PARP10: variants seen among roughly 807,000 people sequenced by gnomAD.
The protein encoded by PARP10 is protein mono-ADP-ribosyltransferase PARP10.
In PARP10, 56 loss-of-function variants were observed where a neutral mutation model predicts 82.4. The observed-to-expected ratio is 0.68, with a 90% CI of 0.55 to 0.85. The LOEUF (loss-of-function observed/expected upper bound fraction) is 0.85, where lower values mean the gene tolerates loss of function less well. Among genes scored for constraint, PARP10 ranks in the 40% least tolerant of loss-of-function variants. The probability of loss-of-function intolerance (pLI) is 0.00; values close to 1 mark genes in which losing one functional copy is unlikely to be tolerated. For missense variants in PARP10, 1,227 were observed against 1,379.4 expected (o/e 0.89, Z 1.75); for synonymous variants, 576 against 601.1 (o/e 0.96, Z 0.61).
rs1351134375 is a variant in PARP10 at position 143,985,055 on chromosome 8, C to T, written c.947G>A (p.Gly316Asp). ...AGAGCCTGTTGTCATAATCCCTCTA[C>T]CCTGCACCATGGGACCTGTCCTCAG... ...ASLRTGPMVQGRGIMTTGSGQ... is the reference protein window; with the variant it reads ...ASLRTGPMVQDRGIMTTGSGQ... The change falls in exon 5 of 11, where the codon GGT becomes GAT. Residue 316 changes from glycine to aspartate, a missense_variant. By Grantham distance (94) the Gly-to-Asp change is moderately conservative. Coordinates refer to ENST00000313028, the MANE Select transcript of PARP10 (RefSeq NM_032789.5). The T allele has an allele frequency of 6.2e-7, 1 of 1,613,646 alleles. No homozygotes were observed. Among genetic ancestry groups the T allele is most frequent in the African/African-American group, 1.3e-5 (1 of 74,838 alleles).
At chr8:144,009,406 T>C (rs1446998308) in intron 1 of PARP10, among the ~76,000 whole-genome samples, 1 of 152,178 alleles carries the variant, frequency 6.6e-6, no homozygotes, top group Non-Finnish European at 1.5e-5. Context: ...CTCAGCCTTC[T>C]CCGGTTTTCC....
chr8:143,995,376 C>A (rs1834157334), upstream of PARP10, among the ~76,000 whole-genome samples: 1 of 152,152 alleles, frequency 6.6e-6, no homozygotes, highest in South Asian at 2.1e-4. Context: ...CGGGAGGTGC[C>A]AATTAAGCCA....
intron 9 of PARP10, among the ~76,000 whole-genome samples, chr8:143,978,983 T>C (rs1833785639): frequency 6.6e-6 from 1 of 151,650 alleles, no homozygotes; most frequent in African/African-American, 2.4e-5. Context: ...TTTTTTTTTT[T>C]TTTCTTTGAG....
Position 143,984,282 on chromosome 8 carries a change from C to T in PARP10, c.1608G>A (p.Leu536=), listed in dbSNP as rs1310421154. 2 of 1,613,986 alleles carry T rather than the reference C, an allele frequency of 1.2e-6. No homozygotes were observed. The highest frequency in any genetic ancestry group is 1.3e-5 in the African/African-American group (1 of 74,924). The change falls in exon 6 of 11, where the codon CTG becomes CTA. Residue 536 remains leucine (L), a synonymous_variant. Coordinates refer to ENST00000313028, the MANE Select transcript of PARP10 (RefSeq NM_032789.5). Reference sequence around the variant, plus strand: ...CAAAGACACACTGGAACTGAGCCTCCAGCCCCTGGAGAAGGTGCTGCCCTT... The same window carrying T: ...CAAAGACACACTGGAACTGAGCCTCTAGCCCCTGGAGAAGGTGCTGCCCTT... ...GPEGQHLLQG[L]EAQFQCVFGT... is the part of the protein sequence containing the mutation.
chr8:143,992,113 C>G (rs201648034), upstream of PARP10: 24 of 1,604,692 alleles, frequency 1.5e-5, no homozygotes, highest in Non-Finnish European at 2.0e-5. Context: ...TGCCTGGGTC[C>G]GGCCATGCAG....
At chr8:144,012,679 G>A (rs782698641) in exon 1 of PARP10, 1 of 1,551,712 alleles carries the variant, frequency 6.4e-7, no homozygotes, top group Non-Finnish European at 8.7e-7. Context: ...GGGTTCACGA[G>A]TGGGCTTGGT....
rs782120156 is a variant in PARP10, at chr8:143,977,740, T to G, written c.2822A>C (p.Lys941Thr). The change falls in exon 11 of 11, where the codon AAG (lysine) becomes ACG (threonine). Residue 941 changes from lysine to threonine, a missense_variant. By Grantham distance (78) the Lys-to-Thr change is moderately conservative. Coordinates refer to ENST00000313028, the MANE Select transcript of PARP10 (RefSeq NM_032789.5). ...RYSPPNADGH[K>T]AVFVARVLTG... ...CAGCACCCGTGCCACGAACACCGCCTTATGGCCATCGGCGTTGGGGGGCGA... is the reference window on the plus strand; with the variant it reads ...CAGCACCCGTGCCACGAACACCGCCGTATGGCCATCGGCGTTGGGGGGCGA... The G allele has an allele frequency of 2.0e-5, 32 of 1,602,532 alleles. No individual in the cohort carries two copies. The highest frequency in any genetic ancestry group is 2.7e-5 in the Non-Finnish European group (32 of 1,175,450).
At chr8:143,998,279 C>T (rs1184729575) in intron 1 of PARP10, among the ~76,000 whole-genome samples, 1 of 152,194 alleles carries the variant, frequency 6.6e-6, no homozygotes, top group Non-Finnish European at 1.5e-5. Context: ...AGACCCCAGG[C>T]TCTCAGCTAG....
chr8:143,984,003 C>T lies in PARP10; in HGVS notation c.1777+5G>A, dbSNP rs1554748480. 6.6e-7 allele frequency: 1 copy of T among 1,513,802 alleles called. No homozygotes were observed. The highest frequency in any genetic ancestry group is 1.3e-5 in the South Asian group (1 of 74,570). The allele number at this position is 1,513,802 out of a possible 1,614,324, so 93.8% of individuals were successfully genotyped here. ...GATGTGCTGAGGGCTCCCAGGGAGC[C>T]CTACCCAGGCTCACGTCCTCCTGGT... is the stretch of plus-strand genomic sequence containing the variant. On this transcript the variant is annotated splice_donor_5th_base_variant and intron_variant, in intron 7 of 10. Transcript: ENST00000313028.
At chr8:144,009,380 G>T (rs1834256785) in intron 1 of PARP10, among the ~76,000 whole-genome samples, 1 of 152,180 alleles carries the variant, frequency 6.6e-6, no homozygotes, top group South Asian at 2.1e-4. Flanking sequence ...AATATGCTCT[G>T]CCTGTGGCCT....
At chr8:143,995,400 C>T (rs978811964), upstream of PARP10, among the ~76,000 whole-genome samples, 5 of 152,242 alleles carry the variant, frequency 3.3e-5, no homozygotes, top group East Asian at 5.8e-4. Context: ...TGGGCACAGC[C>T]GAAGGCCAGT....
Position 143,977,441 on chromosome 8 carries a change from C to A in PARP10, c.*43G>T. 6.8e-7 allele frequency: 1 copy of A among 1,473,586 alleles called. No homozygotes were observed. The highest frequency in any genetic ancestry group is 9.1e-7 in the Non-Finnish European group (1 of 1,099,836). The allele number at this position is 1,473,586 out of a possible 1,614,324, so 91.3% of individuals were successfully genotyped here. ...GCGGGGAGCATCAGCCTGTGCGGAG[C>A]TGGGAGCCTGGGAAGCAGGAGGCCA... On this transcript the variant is annotated 3_prime_UTR_variant, in exon 11 of 11. Transcript: ENST00000313028.
rs782062716 is a variant in PARP10 at position 143,982,985 on chromosome 8, G to A, written c.2503C>T (p.Arg835Trp). The A allele has an allele frequency of 2.8e-5, 45 of 1,613,810 alleles. No homozygotes were observed. Among genetic ancestry groups the A allele is most frequent in the African/African-American group, 4.0e-5 (3 of 74,932 alleles). ...GCGTCCAGGGTGTCGTAGAAGGCCC[G>A]CACCACCTCCTGGAACTCCCCGGTG... Reference protein sequence around the residue: ...ENTGEFQEVVRAFYDTLDAAR... With the variant: ...ENTGEFQEVVWAFYDTLDAAR... Residue 835 changes from arginine to tryptophan, a missense_variant, in exon 9 of 11, where the codon CGG becomes TGG. Transcript: ENST00000313028.
intron 9 of PARP10, among the ~76,000 whole-genome samples, chr8:143,978,818 A>G (rs1307107229): frequency 6.6e-6 from 1 of 152,172 alleles, no homozygotes; most frequent in Non-Finnish European, 1.5e-5. Context: ...GAGCTCCAGC[A>G]CACACAGGGA....
At chr8:143,980,910 C>A (rs1377900626) in intron 9 of PARP10, among the ~76,000 whole-genome samples, 2 of 151,960 alleles carry the variant, frequency 1.3e-5, no homozygotes, top group Admixed American at 1.3e-4. Flanking sequence ...GTTACAGAAA[C>A]CTTTACGACA....
At position 143,986,369 on chromosome 8, in the gene PARP10, C is replaced by G; in HGVS notation, c.-10G>C. On this transcript the variant is annotated 5_prime_UTR_variant, in exon 1 of 11. Transcript: ENST00000313028. ...CATACAGCACTTACATTCCCCGTGG[C>G]CGCTAGGCAGCCTCAGGCCATGAGC... 1 of 1,614,176 alleles carries G rather than the reference C, an allele frequency of 6.2e-7. No individual in the cohort carries two copies. Among genetic ancestry groups the G allele is most frequent in the Non-Finnish European group, 8.5e-7 (1 of 1,180,008 alleles).
At chr8:143,980,318 T>TAAAAAAAAAAAAAAAAAA (rs1564247548) in intron 9 of PARP10, among the ~76,000 whole-genome samples, 6 of 15,666 alleles carry the variant, frequency 3.8e-4, no homozygotes, top group African/African-American at 8.4e-4. Flanking sequence ...AGATTCCGTC[T>TAAAAAAAAAAAAAAAAAA]CAAAAAAAAA....
intron 1 of PARP10, among the ~76,000 whole-genome samples, chr8:144,010,079 C>T (rs1834263566): frequency 1.3e-5 from 2 of 152,234 alleles, no homozygotes; most frequent in Non-Finnish European, 1.5e-5. Flanking sequence ...CATACATCCA[C>T]CCTGCTCATT....
At chr8:143,991,132 G>T, upstream of PARP10, 1 of 819,838 alleles carries the variant, frequency 1.2e-6, no homozygotes, top group South Asian at 1.8e-5. Context: ...AGGTGGAGTT[G>T]CGCAGGGCTG....
Sources: gnomAD v4.1 joint callset for allele counts (sites outside exome capture counted in the v4.1 genomes callset) on GRCh38, gnomAD v4.1.1 for gene constraint, MANE v1.5 for transcripts, NCBI Gene and HGNC (gene_info 2026-07-23, HGNC 2026-07-21) for gene names.